The following TPTE2 variants were observed in gnomAD, a reference collection of about 807,000 sequenced individuals.
The protein encoded by TPTE2 is phosphatidylinositol 3,4,5-trisphosphate 3-phosphatase TPTE2.
TPTE2 carries 53 observed loss-of-function variants against 78.6 expected under a neutral mutation model. That is an observed-to-expected ratio of 0.67 (90% CI 0.54 to 0.85). The LOEUF (loss-of-function observed/expected upper bound fraction) is 0.85, where lower values mean the gene tolerates loss of function less well. Among genes scored for constraint, TPTE2 ranks in the 40% least tolerant of loss-of-function variants. The probability of loss-of-function intolerance (pLI) is 0.00; values close to 1 mark genes in which losing one functional copy is unlikely to be tolerated. For synonymous variants in TPTE2, 175 were observed against 206.2 expected (o/e 0.85, Z 1.30); for missense variants, 461 against 623.0 (o/e 0.74, Z 2.77).
chr13:19,537,321 C>G (rs1018726493), upstream of TPTE2, among the ~76,000 whole-genome samples: 2 of 150,980 alleles, frequency 1.3e-5, no homozygotes, highest in Non-Finnish European at 2.9e-5. Flanking sequence ...GCAACCTCCA[C>G]TTGCCAGGTT....
At chr13:19,432,576 A>G in exon 16 of TPTE2, 1 of 1,590,462 alleles carries the variant, frequency 6.3e-7, no homozygotes, top group Non-Finnish European at 8.6e-7. Context: ...CAACATATCT[A>G]TTCTGAAAAG....
intron 10 of TPTE2, among the ~76,000 whole-genome samples, chr13:19,451,702 A>G (rs528145499): frequency 1.1e-4 from 17 of 152,246 alleles, no homozygotes; most frequent in East Asian, 9.6e-4. Context: ...TGTGTGATAG[A>G]AAAAGATAAA....
intron 17 of TPTE2, among the ~76,000 whole-genome samples, chr13:19,428,897 G>A (rs1431330959): frequency 6.6e-6 from 1 of 152,186 alleles, no homozygotes; most frequent in Non-Finnish European, 1.5e-5. Context: ...TACATCTTCA[G>A]AGCTCGAGCC....
At chr13:19,543,653 G>C in the TPTE2 span, among the ~76,000 whole-genome samples, 3 of 152,052 alleles carry the variant, frequency 2.0e-5, no homozygotes, top group African/African-American at 7.2e-5. Context: ...ACCACGCCTG[G>C]CCACTAATGA....
the TPTE2 span, among the ~76,000 whole-genome samples, chr13:19,557,886 G>C: frequency 2.6e-4 from 40 of 151,966 alleles, 1 homozygote; most frequent in South Asian, 8.1e-3. Flanking sequence ...TAAAAGCAGA[G>C]TTTCCATCAA....
chr13:19,549,211 A>G, the TPTE2 span, among the ~76,000 whole-genome samples: 29 of 152,296 alleles, frequency 1.9e-4, no homozygotes, highest in Admixed American at 7.2e-4. Context: ...AGAAATTTCA[A>G]TAAACAGACA....
At chr13:19,424,905 T>G (rs749267757) in intron 19 of TPTE2, 42 bp downstream of exon 22, 1 of 1,210,518 alleles carries the variant, frequency 8.3e-7, no homozygotes, top group South Asian at 1.4e-5. Context: ...TTATAGACAT[T>G]GAAGATTAGG....
At chr13:19,454,548 T>C (rs1593365719) in intron 10 of TPTE2, among the ~76,000 whole-genome samples, 1 of 152,190 alleles carries the variant, frequency 6.6e-6, no homozygotes, top group Admixed American at 6.5e-5. Flanking sequence ...TTAATATGGA[T>C]GGTAGATTTG....
intron 1 of TPTE2, among the ~76,000 whole-genome samples, chr13:19,529,685 T>G (rs1870743823): frequency 6.6e-6 from 1 of 152,302 alleles, no homozygotes; most frequent in African/African-American, 2.4e-5. Context: ...AGAGATGTAC[T>G]CAGAGCCAGA....
intron 4 of TPTE2, 72 bp downstream of exon 7, chr13:19,482,416 C>T (rs947210832): frequency 2.3e-5 from 35 of 1,550,820 alleles, no homozygotes; most frequent in African/African-American, 1.1e-4. Flanking sequence ...CTTGCCTTAG[C>T]GGAAGCCCTG....
At chr13:19,561,549 CCGG>C in the TPTE2 span, among the ~76,000 whole-genome samples, 2 of 152,182 alleles carry the variant, frequency 1.3e-5, no homozygotes, top group East Asian at 3.9e-4. Context: ...GAAGTTCTTC[CCGG>C]CCGTTGCGAT....
chr13:19,483,323 C>A (rs1244970199), intron 3 of TPTE2, among the ~76,000 whole-genome samples: 1 of 152,170 alleles, frequency 6.6e-6, no homozygotes, highest in East Asian at 1.9e-4. Context: ...ATTACTGATT[C>A]AATCTCATTA....
the TPTE2 span, among the ~76,000 whole-genome samples, chr13:19,556,915 T>G: frequency 1.2e-3 from 101 of 85,228 alleles, no homozygotes; most frequent in Middle Eastern, 0.031. Flanking sequence ...TAAACCAAAT[T>G]TAATGTCAAG....
At position 19,527,624 on chromosome 13, in the gene TPTE2, C is replaced by T. The variant is rs555296748; in HGVS notation, c.-44+8972G>A. On this transcript the variant is annotated intron_variant, in intron 1 of 17. Transcript: ENST00000390680. Reference sequence around the variant, plus strand: ...GTGTGGTGGCTCACGCCTGTAATCCCAGCACTTTGGGAGACCAAGGCAGGC... The same window carrying T: ...GTGTGGTGGCTCACGCCTGTAATCCTAGCACTTTGGGAGACCAAGGCAGGC... Among the ~76,000 whole-genome samples, 46 of 152,252 alleles carry T rather than the reference C, an allele frequency of 3.0e-4. 2 individuals carry two copies. In the East Asian group the frequency reaches 8.1e-3, roughly 27 times the overall value.
At chr13:19,554,905 C>T in the TPTE2 span, among the ~76,000 whole-genome samples, 3 of 152,200 alleles carry the variant, frequency 2.0e-5, no homozygotes, top group Non-Finnish European at 2.9e-5. Context: ...CCTTAACTAG[C>T]CACATTTACA....
At chr13:19,521,705 T>C (rs555961019) in intron 1 of TPTE2, among the ~76,000 whole-genome samples, 3 of 152,248 alleles carry the variant, frequency 2.0e-5, no homozygotes, top group African/African-American at 2.4e-5. Context: ...TGTTGATTTA[T>C]AACTATGTAG....
chr13:19,559,753 G>A, the TPTE2 span, among the ~76,000 whole-genome samples: 1 of 131,960 alleles, frequency 7.6e-6, no homozygotes, highest in Non-Finnish European at 1.7e-5. Context: ...CTTCGGCAAG[G>A]CCCCCTACAC....
intron 4 of TPTE2, among the ~76,000 whole-genome samples, chr13:19,479,002 C>T (rs553404190): frequency 6.6e-6 from 1 of 152,074 alleles, no homozygotes; most frequent in Non-Finnish European, 1.5e-5. Flanking sequence ...CACACCGGGG[C>T]CTGTCATGGG....
chr13:19,508,922 G>C (rs186235146), intron 1 of TPTE2, among the ~76,000 whole-genome samples: 29 of 152,180 alleles, frequency 1.9e-4, no homozygotes, highest in African/African-American at 5.3e-4. Flanking sequence ...CATAAAGAAA[G>C]CTTCCACAGG....
Sources: gnomAD v4.1 joint callset for allele counts (sites outside exome capture counted in the v4.1 genomes callset) on GRCh38, gnomAD v4.1.1 for gene constraint, MANE v1.5 for transcripts, NCBI Gene and HGNC (gene_info 2026-07-23, HGNC 2026-07-21) for gene names.